The following CCDC39 variants were observed in gnomAD, a reference collection of about 807,000 sequenced individuals.
CCDC39 encodes the protein coiled-coil domain 39 molecular ruler complex subunit.
In CCDC39, 113 loss-of-function variants were observed where a neutral mutation model predicts 121.0. The observed-to-expected ratio is 0.93, with a 90% CI of 0.80 to 1.09. The LOEUF is 1.09. Among genes scored for constraint, CCDC39 ranks in the 50% least tolerant of loss-of-function variants. The probability of loss-of-function intolerance (pLI) is 0.00; values close to 1 mark genes in which losing one functional copy is unlikely to be tolerated. For synonymous variants in CCDC39, 349 were observed against 352.2 expected (o/e 0.99, Z 0.10); for missense variants, 1,063 against 1,074.7 (o/e 0.99, Z 0.15).
intron 1 of CCDC39, among the ~76,000 whole-genome samples, chr3:180,666,031 A>C (rs756989659): frequency 7.9e-5 from 12 of 152,084 alleles, no homozygotes; most frequent in Non-Finnish European, 1.8e-4. Context: ...CAATAAGTAC[A>C]TTCACCCTGT....
intron 3 of CCDC39, among the ~76,000 whole-genome samples, chr3:180,661,300 C>A (rs1458758219): frequency 6.6e-6 from 1 of 151,724 alleles, no homozygotes; most frequent in Non-Finnish European, 1.5e-5. Flanking sequence ...TAAACAAATA[C>A]AAATTAATAA....
At position 180,672,318 on chromosome 3, in the gene CCDC39, G is replaced by A. The variant is rs186481823; in HGVS notation, c.90+6973C>T. Among the ~76,000 whole-genome samples the A allele has an allele frequency of 2.6e-5, 4 of 152,328 alleles. No individual in the cohort carries two copies. In the East Asian group the frequency reaches 7.7e-4, roughly 29 times the overall value. On this transcript the variant is annotated intron_variant, in intron 1 of 19. Coordinates refer to ENST00000476379, the MANE Select transcript of CCDC39 (RefSeq NM_181426.2). Reference sequence around the variant, plus strand: ...GGAATATTACTGCTCATTGGGCCAGGTGTGGTGGCTCACACCTGTAATCCC... The same window carrying A: ...GGAATATTACTGCTCATTGGGCCAGATGTGGTGGCTCACACCTGTAATCCC...
At chr3:180,675,942 T>A (rs1322945186) in intron 1 of CCDC39, among the ~76,000 whole-genome samples, 1 of 152,244 alleles carries the variant, frequency 6.6e-6, no homozygotes, top group Non-Finnish European at 1.5e-5. Flanking sequence ...GCTAGCCATA[T>A]GTAGAAAGCT....
Position 180,654,862 on chromosome 3 carries a change from G to T in CCDC39, c.830C>A (p.Thr277Lys). The T allele has an allele frequency of 6.2e-7, 1 of 1,602,860 alleles. No individual in the cohort carries two copies. Among genetic ancestry groups the T allele is most frequent in the South Asian group, 1.1e-5 (1 of 87,770 alleles). ...CACAGAAATTCTTTTCTCAAACTCT[G>T]TGTTATTCCCAATCTCACTTTCCAA... ...KFLESEIGNN[T>K]EFEKRISVAD... The change falls in exon 7 of 20, where the codon ACA (threonine) becomes AAA (lysine). Residue 277 changes from threonine to lysine, a missense_variant. Transcript: ENST00000476379.
At chr3:180,674,388 TG>T (rs1426155047) in intron 1 of CCDC39, among the ~76,000 whole-genome samples, 52 of 152,188 alleles carry the variant, frequency 3.4e-4, no homozygotes, top group African/African-American at 1.2e-3. Context: ...GCTGAGACGA[TG>T]GGGTTTTCTA....
intron 1 of CCDC39, among the ~76,000 whole-genome samples, chr3:180,669,849 G>A (rs1711984871): frequency 6.6e-6 from 1 of 152,100 alleles, no homozygotes; most frequent in South Asian, 2.1e-4. Context: ...ACGTCACAAG[G>A]CTGCATCAGA....
chr3:180,677,217 A>AT (rs1712261149), intron 1 of CCDC39, among the ~76,000 whole-genome samples: 1 of 44,422 alleles, frequency 2.3e-5, no homozygotes, highest in South Asian at 9.2e-4. Context: ...TATATATATA[A>AT]AATCACAGTA....
At chr3:180,616,257 A>ATT in intron 19 of CCDC39, 24 bp downstream of exon 19, 1 of 1,577,490 alleles carries the variant, frequency 6.3e-7, no homozygotes, top group Non-Finnish European at 8.7e-7. Flanking sequence ...AGTTAAGCAG[A>ATT]TTTTTTTTTA....
At chr3:180,672,277 G>C (rs1712070627) in intron 1 of CCDC39, among the ~76,000 whole-genome samples, 1 of 152,092 alleles carries the variant, frequency 6.6e-6, no homozygotes, top group Non-Finnish European at 1.5e-5. Flanking sequence ...CTTGATTCCA[G>C]CTGCTCAGAA....
chr3:180,618,383 ATGTT>A, intron 16 of CCDC39, among the ~76,000 whole-genome samples: 1 of 152,176 alleles, frequency 6.6e-6, no homozygotes, highest in Middle Eastern at 3.4e-3. Flanking sequence ...AGTAAAATCA[ATGTT>A]TAGCGCCTGC....
intron 12 of CCDC39, among the ~76,000 whole-genome samples, chr3:180,642,824 G>C (rs1717988072): frequency 6.6e-6 from 1 of 151,538 alleles, no homozygotes; most frequent in Admixed American, 6.6e-5. Context: ...GTGTAACCAA[G>C]AAGTTTCTAA....
chr3:180,671,773 G>T (rs542138336), intron 1 of CCDC39, among the ~76,000 whole-genome samples: 1 of 152,292 alleles, frequency 6.6e-6, no homozygotes, highest in South Asian at 2.1e-4. Flanking sequence ...TCAATTCTAT[G>T]AAGGCTGAGA....
chr3:180,666,001 C>T (rs945072057), intron 1 of CCDC39, among the ~76,000 whole-genome samples: 1 of 152,006 alleles, frequency 6.6e-6, no homozygotes, highest in Non-Finnish European at 1.5e-5. Context: ...TTAACCATTG[C>T]TATGTGTACA....
intron 1 of CCDC39, among the ~76,000 whole-genome samples, chr3:180,671,450 A>G (rs1208326152): frequency 6.6e-6 from 1 of 152,088 alleles, no homozygotes; most frequent in Non-Finnish European, 1.5e-5. Context: ...TTCCACTTCA[A>G]TAAAAGTTGC....
intron 10 of CCDC39, among the ~76,000 whole-genome samples, chr3:180,647,454 A>G (rs1422702890): frequency 3.9e-5 from 6 of 152,122 alleles, no homozygotes. Context: ...TACATGATAG[A>G]CACAGAAATA....
chr3:180,662,358 CAT>C (rs758356878), intron 2 of CCDC39, among the ~76,000 whole-genome samples: 23 of 152,166 alleles, frequency 1.5e-4, no homozygotes, highest in Non-Finnish European at 2.8e-4. Context: ...TGAGAAATGA[CAT>C]GTTTTATATG....
At chr3:180,659,331 T>C in intron 6 of CCDC39, 121 bp downstream of exon 6, 1 of 1,248,346 alleles carries the variant, frequency 8.0e-7, no homozygotes, top group South Asian at 1.5e-5. Context: ...TTACCAAAAC[T>C]ACTGAATATT....
Position 180,616,582 on chromosome 3 carries a change from TTCA to T in CCDC39, c.2517_2519del (p.Asp839del). ...TTTCTTCTATGATATCAACTAACAT[TTCA>T]TCAATAACTTTGTGAAACTGTTTCA... On this transcript the variant is annotated inframe_deletion, in exon 18 of 20. Coordinates refer to ENST00000476379, the MANE Select transcript of CCDC39 (RefSeq NM_181426.2). The T allele has an allele frequency of 6.2e-7, 1 of 1,602,136 alleles. No individual in the cohort carries two copies. Among genetic ancestry groups the T allele is most frequent in the Non-Finnish European group, 8.5e-7 (1 of 1,174,676 alleles).
chr3:180,659,676 C>G lies in CCDC39; in HGVS notation c.609+1G>C. 1 of 1,608,486 alleles carries G rather than the reference C, an allele frequency of 6.2e-7. No individual in the cohort carries two copies. The highest frequency in any genetic ancestry group is 1.1e-5 in the South Asian group (1 of 89,628). On this transcript the variant is annotated splice_donor_variant, in intron 5 of 19. Coordinates refer to ENST00000476379, the MANE Select transcript of CCDC39 (RefSeq NM_181426.2). LOFTEE classifies it high-confidence loss of function. ...GAAATAAAAATCTTCCTTAAACTAA[C>G]CTGTGCGCTTATAGTCTCTGTAAGT...
Sources: allele counts gnomAD v4.1 joint callset (sites outside exome capture counted in the v4.1 genomes callset), GRCh38; gene constraint gnomAD v4.1.1; transcripts MANE v1.5; gene names NCBI Gene and HGNC (gene_info 2026-07-23, HGNC 2026-07-21).